Variants in ZBTB37 observed in about 807,000 individuals in gnomAD.
ZBTB37 encodes zinc finger and BTB domain containing 37.
Under a neutral mutation model 37.7 loss-of-function variants are expected in ZBTB37, and 15 were observed. That is an observed-to-expected ratio of 0.40 (90% CI 0.27 to 0.61). The LOEUF is 0.61. ZBTB37 is among the 20% of genes least tolerant of loss of function. The probability of loss-of-function intolerance (pLI) is 0.44; values close to 1 mark genes in which losing one functional copy is unlikely to be tolerated. For synonymous variants in ZBTB37, 231 were observed against 220.6 expected (o/e 1.05, Z -0.42); for missense variants, 514 against 641.9 (o/e 0.80, Z 2.15).
chr1:173,885,715 G>A lies in ZBTB37; in HGVS notation c.1103G>A (p.Arg368Gln), dbSNP rs752272147. 9 of 1,551,632 alleles carry A rather than the reference G, an allele frequency of 5.8e-6. No individual in the cohort carries two copies. In the African/African-American group the frequency reaches 6.9e-5, roughly 12 times the overall value. Residue 368 changes from arginine to glutamine, a missense_variant, in exon 5 of 5, where the codon CGG (arginine) becomes CAG (glutamine). By Grantham distance (43) the Arg-to-Gln change is conservative (BLOSUM62 1). Transcript: ENST00000427304. ...CAGGAAGTATCTGAGCGGTGGTTCC[G>A]GTACAACCCTCGTCTCACCTGCATC...
At chr1:173,877,392 T>TTTTTTC (rs1557886446) in intron 4 of ZBTB37, among the ~76,000 whole-genome samples, 33 of 143,570 alleles carry the variant, frequency 2.3e-4, no homozygotes, top group Middle Eastern at 3.6e-3. Flanking sequence ...TTTTTTTTTT[T>TTTTTTC]TTTTTCCGAG....
At chr1:173,869,687 C>T (rs1655386841) in intron 2 of ZBTB37, among the ~76,000 whole-genome samples, 1 of 152,114 alleles carries the variant, frequency 6.6e-6, no homozygotes, top group Non-Finnish European at 1.5e-5. Context: ...GAAATATTAG[C>T]CTACATTCAT....
downstream of ZBTB37, chr1:173,889,959 C>T (rs1476433920): frequency 1.3e-5 from 2 of 152,136 alleles, no homozygotes; most frequent in African/African-American, 2.4e-5. Flanking sequence ...CTTTTTCCCC[C>T]CGACTTCATA....
intron 4 of ZBTB37, among the ~76,000 whole-genome samples, chr1:173,874,878 C>T (rs1388085974): frequency 1.3e-5 from 2 of 152,016 alleles, no homozygotes; most frequent in South Asian, 2.1e-4. Context: ...GTAAAAAATG[C>T]AAAGTTAAAT....
intron 2 of ZBTB37, among the ~76,000 whole-genome samples, chr1:173,869,666 TC>T (rs1655382402): frequency 6.6e-6 from 1 of 152,160 alleles, no homozygotes; most frequent in African/African-American, 2.4e-5. Flanking sequence ...GGGCTCTGAT[TC>T]TTAAGCTTAG....
At chr1:173,884,475 A>G (rs1363659992) in intron 4 of ZBTB37, among the ~76,000 whole-genome samples, 1 of 152,096 alleles carries the variant, frequency 6.6e-6, no homozygotes, top group Admixed American at 6.6e-5. Context: ...CAAGATTTTT[A>G]AGTAATTTAT....
At chr1:173,889,548 A>T (rs1656760399), downstream of ZBTB37, 1 of 152,222 alleles carries the variant, frequency 6.6e-6, no homozygotes, top group Admixed American at 6.5e-5. Flanking sequence ...AGAGAGACGG[A>T]AGTATATTAA....
chr1:173,885,763 A>G, exon 5 of ZBTB37: 1 of 1,551,644 alleles, frequency 6.4e-7, no homozygotes, highest in Non-Finnish European at 8.7e-7. Context: ...TCTTTCAACC[A>G]GAAGGGAAGC....
exon 4 of ZBTB37, chr1:173,897,310 CTAA>C (rs1420194548): frequency 6.6e-6 from 1 of 152,164 alleles, no homozygotes; most frequent in Non-Finnish European, 1.5e-5. Flanking sequence ...GGTATTTTGG[CTAA>C]GAAAATTATT....
chr1:173,870,837 T>A, exon 3 of ZBTB37: 1 of 1,614,216 alleles, frequency 6.2e-7, no homozygotes, highest in Non-Finnish European at 8.5e-7. Flanking sequence ...CAAGTTCTGA[T>A]GTAGAGAGCC....
chr1:173,870,479 C>G (rs1655469534), exon 3 of ZBTB37: 2 of 1,614,120 alleles, frequency 1.2e-6, no homozygotes, highest in South Asian at 1.1e-5. Context: ...CAGCTCCTTT[C>G]TTTCTGTTAC....
intron 4 of ZBTB37, among the ~76,000 whole-genome samples, chr1:173,878,226 G>A (rs1284971750): frequency 6.6e-6 from 1 of 152,112 alleles, no homozygotes; most frequent in Non-Finnish European, 1.5e-5. Context: ...TTATAGCATG[G>A]TACAATACAA....
Position 173,894,039 on chromosome 1 carries a change from G to A in ZBTB37, c.*7915G>A, listed in dbSNP as rs538662236. ...AGCCAGGAACAGTACTGCTTTTTGTGAATGTGTAATTCAAGAGTAAGTGAT... is the reference window on the plus strand; with the variant it reads ...AGCCAGGAACAGTACTGCTTTTTGTAAATGTGTAATTCAAGAGTAAGTGAT... On this transcript the variant is annotated 3_prime_UTR_variant, in exon 4 of 4. Transcript: ENST00000367701. 4.6e-5 allele frequency: 7 copies of A among 152,290 alleles called. No homozygotes were observed. The East Asian group carries it at 1.4e-3, about 29-fold the overall frequency. The allele number at this position is 152,290 out of a possible 1,614,324, so 9.4% of individuals were successfully genotyped here.
exon 4 of ZBTB37, chr1:173,898,599 A>G (rs1251836068): frequency 1.3e-5 from 2 of 152,104 alleles, no homozygotes; most frequent in African/African-American, 4.8e-5. Flanking sequence ...TAATCTCTCC[A>G]AAGAGAGATA....
At chr1:173,900,258 A>G (rs1011046735) in exon 4 of ZBTB37, 1 of 152,202 alleles carries the variant, frequency 6.6e-6, no homozygotes, top group Non-Finnish European at 1.5e-5. Flanking sequence ...AGGCTTAAGT[A>G]TTTCTGAATA....
intron 3 of ZBTB37, among the ~76,000 whole-genome samples, chr1:173,871,960 A>G (rs746526717): frequency 6.6e-6 from 1 of 152,232 alleles, no homozygotes; most frequent in Non-Finnish European, 1.5e-5. Flanking sequence ...TAAATTGACT[A>G]TATGAGCAAA....
intron 4 of ZBTB37, among the ~76,000 whole-genome samples, chr1:173,881,695 C>T (rs1656317179): frequency 6.6e-6 from 1 of 152,182 alleles, no homozygotes; most frequent in Non-Finnish European, 1.5e-5. Flanking sequence ...TTGCATTTCT[C>T]TGATGGCCAG....
downstream of ZBTB37, chr1:173,888,291 CAT>C (rs1656706982): frequency 6.6e-6 from 1 of 152,140 alleles, no homozygotes; most frequent in Admixed American, 6.5e-5. Context: ...CAGATTTTGT[CAT>C]TACTAAATAG....
At chr1:173,891,414 T>G (rs1253343200), downstream of ZBTB37, 2 of 151,500 alleles carry the variant, frequency 1.3e-5, no homozygotes, top group Non-Finnish European at 2.9e-5. Context: ...CAAGTTTTTC[T>G]TCCTTTTTTC....
Sources: allele counts gnomAD v4.1 joint callset (sites outside exome capture counted in the v4.1 genomes callset), GRCh38; gene constraint gnomAD v4.1.1; transcripts MANE v1.5; gene names NCBI Gene and HGNC (gene_info 2026-07-23, HGNC 2026-07-21).